The following MEF2D variants were observed in gnomAD, a reference collection of about 807,000 sequenced individuals.
MEF2D encodes myocyte enhancer factor 2D, also known as myocyte-specific enhancer factor 2D.
In MEF2D, 10 loss-of-function variants were observed where a neutral mutation model predicts 59.3. The ratio of observed to expected loss-of-function variants is 0.17; its 90% CI spans 0.10 to 0.29. The LOEUF (loss-of-function observed/expected upper bound fraction) is 0.29, where lower values mean the gene tolerates loss of function less well. Among genes scored for constraint, MEF2D ranks in the 10% least tolerant of loss-of-function variants. The pLI, the probability that MEF2D is intolerant of heterozygous loss-of-function variation, is 1.00. For missense variants in MEF2D, 508 were observed against 699.4 expected (o/e 0.73, Z 3.09); for synonymous variants, 305 against 295.0 (o/e 1.03, Z -0.35).
intron 8 of MEF2D, among the ~76,000 whole-genome samples, chr1:156,476,056 C>T (rs942912984): frequency 6.6e-6 from 1 of 152,124 alleles, no homozygotes; most frequent in African/African-American, 2.4e-5. Context: ...TCCAGCTGAC[C>T]TCCCTCCTAA....
Position 156,466,190 on chromosome 1 carries a change from A to C in MEF2D, c.*1455T>G, listed in dbSNP as rs1288617434. 1 of 152,450 alleles carries C rather than the reference A, an allele frequency of 6.6e-6. No individual in the cohort carries two copies. The highest frequency in any genetic ancestry group is 2.4e-5 in the African/African-American group (1 of 41,444). 9.4% of individuals were successfully genotyped at this position (152,450 alleles called of 1,614,324 possible). A position where few individuals can be genotyped will look rare whatever the true frequency, so the allele number is the denominator to read the frequency against. On this transcript the variant is annotated 3_prime_UTR_variant, in exon 12 of 12. Transcript: ENST00000348159. ...GGACTCAGAGGAGGGGAGGGGAGCA[A>C]GAACAACAGCAGAAGAATCTCGTCT...
chr1:156,490,807 GC>G (rs890084988), intron 1 of MEF2D, among the ~76,000 whole-genome samples: 8 of 152,114 alleles, frequency 5.3e-5, no homozygotes, highest in African/African-American at 1.9e-4. Context: ...CCTGTTCTCT[GC>G]CCAGGAGATG....
Position 156,465,762 on chromosome 1 carries a change from C to A in MEF2D, c.*1883G>T, listed in dbSNP as rs548762981. On this transcript the variant is annotated 3_prime_UTR_variant, in exon 12 of 12. Coordinates refer to ENST00000348159, the MANE Select transcript of MEF2D (RefSeq NM_005920.4). Reference sequence around the variant, plus strand: ...GCCCTCATGAACACACTCAGGTACACGTGTGTACCTGCGTAGAGGCCCCTC... The same window carrying A: ...GCCCTCATGAACACACTCAGGTACAAGTGTGTACCTGCGTAGAGGCCCCTC... 1.1e-4 allele frequency: 16 copies of A among 152,180 alleles called. No homozygotes were observed. Among genetic ancestry groups the A allele is most frequent in the Admixed American group, 1.0e-3 (16 of 15,278 alleles). 9.4% of individuals were successfully genotyped at this position (152,180 alleles called of 1,614,324 possible).
chr1:156,472,614 C>G (rs1314254393), intron 9 of MEF2D, among the ~76,000 whole-genome samples: 1 of 151,404 alleles, frequency 6.6e-6, no homozygotes, highest in Non-Finnish European at 1.5e-5. Flanking sequence ...AGTGGTGCAA[C>G]CTCGGCTCAC....
rs758222787 is a variant in MEF2D at position 156,468,200 on chromosome 1, G to A, written c.1347C>T (p.Arg449=). The change falls in exon 11 of 12, where the codon CGC becomes CGT. Residue 449 remains arginine (R), a synonymous_variant. Coordinates refer to ENST00000348159, the MANE Select transcript of MEF2D (RefSeq NM_005920.4). This position sits in a 1 kb window ranked among gnomAD's most constrained non-coding sequence, Gnocchi z 4.3. ...KSEPVSPSRE[R]SPAPPPPAVF... ...CAGCTGGAGGGGGAGGCGCAGGGCT[G>A]CGCTCACGGCTTGGGGACACCGGTT... 3.7e-6 allele frequency: 6 copies of A among 1,613,492 alleles called. No individual in the cohort carries two copies. The South Asian group carries it at 6.6e-5, about 18-fold the overall frequency.
At chr1:156,472,308 G>GGCCC (rs1300782406) in intron 9 of MEF2D, among the ~76,000 whole-genome samples, 1 of 152,218 alleles carries the variant, frequency 6.6e-6, no homozygotes, top group African/African-American at 2.4e-5. Context: ...TGGGGAGACG[G>GGCCC]GCCCACAGCG....
In MEF2D at chr1:156,465,869, A is replaced by C. The variant is rs1025225054; in HGVS notation, c.*1776T>G. ...AGAGGTGGGCAAAGACGGTCGGCTA[A>C]CACAAAACTGGGCCTTGTCTTAACT... On this transcript the variant is annotated 3_prime_UTR_variant, in exon 12 of 12. Transcript: ENST00000348159. 1 of 152,180 alleles carries C rather than the reference A, an allele frequency of 6.6e-6. No homozygotes were observed. The highest frequency in any genetic ancestry group is 2.4e-5 in the African/African-American group (1 of 41,426). The allele number at this position is 152,180 out of a possible 1,614,324, so 9.4% of individuals were successfully genotyped here.
At chr1:156,491,029 C>G (rs983681486) in intron 1 of MEF2D, among the ~76,000 whole-genome samples, 14 of 152,206 alleles carry the variant, frequency 9.2e-5, no homozygotes, top group Non-Finnish European at 2.1e-4. Context: ...TAGGTAACCA[C>G]CCCGCACCCC....
intron 1 of MEF2D, among the ~76,000 whole-genome samples, chr1:156,485,830 A>G (rs966037241): frequency 1.7e-4 from 25 of 149,940 alleles, no homozygotes; most frequent in African/African-American, 6.2e-4. Flanking sequence ...CCACCATGCC[A>G]AGCTAATTTT....
At chr1:156,474,702 C>G (rs1356516641) in intron 9 of MEF2D, among the ~76,000 whole-genome samples, 3 of 151,728 alleles carry the variant, frequency 2.0e-5, no homozygotes, top group African/African-American at 7.3e-5. Flanking sequence ...CCCAGCTACT[C>G]AGGAGGCTGA....
intron 8 of MEF2D, 55 bp downstream of exon 8, chr1:156,476,439 G>A (rs1173511476): frequency 9.4e-6 from 15 of 1,589,576 alleles, no homozygotes; most frequent in South Asian, 4.5e-5. Context: ...CTGGGGGACC[G>A]CAGAGCAATA....
rs147542346 is a variant in MEF2D, at chr1:156,474,700, C to A, written c.1006+408G>T. Among the ~76,000 whole-genome samples, 1,468 of 152,024 alleles carry A rather than the reference C, an allele frequency of 9.7e-3. 19 individuals are homozygous for A. The highest frequency in any genetic ancestry group is 0.033 in the African/African-American group (1,380 of 41,454). On this transcript the variant is annotated intron_variant, in intron 9 of 11. Transcript: ENST00000348159. ...AGGCATGTGCCTGTAGTCCCAGCTA[C>A]TCAGGAGGCTGAGGCAGGAGGATCA...
At chr1:156,478,083 G>A (rs187576477) in intron 6 of MEF2D, among the ~76,000 whole-genome samples, 278 of 152,342 alleles carry the variant, frequency 1.8e-3, no homozygotes, top group African/African-American at 6.2e-3. Context: ...GAGGCCAAGT[G>A]AGGGCTCTCT....
At chr1:156,473,637 C>A (rs1202963486) in intron 9 of MEF2D, among the ~76,000 whole-genome samples, 1 of 152,206 alleles carries the variant, frequency 6.6e-6, no homozygotes, top group Non-Finnish European at 1.5e-5. Flanking sequence ...GAGAGTATCA[C>A]AGACTGTTCC....
rs1671481696 is a variant in MEF2D at position 156,475,114 on chromosome 1, T to C, written c.1000A>G (p.Asn334Asp). ...LPFSSMPTAY[N>D]TDYQLTSAEL... The stretch of plus-strand genomic sequence containing the variant: ...ATGTCACATGAACACTCACCTGTGT[T>C]GTAGGCAGTGGGCATGGAAGAGAAG... The change falls in exon 9 of 12, where the codon AAC becomes GAC. Residue 334 changes from asparagine to aspartate, a missense_variant. Transcript: ENST00000348159. 6.2e-7 allele frequency: 1 copy of C among 1,614,206 alleles called. No individual in the cohort carries two copies. The highest frequency in any genetic ancestry group is 8.5e-7 in the Non-Finnish European group (1 of 1,180,018).
chr1:156,493,031 G>A (rs1672906341), intron 1 of MEF2D, among the ~76,000 whole-genome samples: 1 of 152,170 alleles, frequency 6.6e-6, no homozygotes, highest in Non-Finnish European at 1.5e-5. Context: ...AGTCTCAGAA[G>A]GGCATTCTCT....
chr1:156,489,095 G>A (rs548383246), intron 1 of MEF2D, among the ~76,000 whole-genome samples: 1 of 152,308 alleles, frequency 6.6e-6, no homozygotes, highest in East Asian at 1.9e-4. Context: ...ACAGAGCAGT[G>A]GGCCTCAACC....
At chr1:156,484,503 G>C (rs1255226318) in intron 1 of MEF2D, among the ~76,000 whole-genome samples, 1 of 152,206 alleles carries the variant, frequency 6.6e-6, no homozygotes, top group African/African-American at 2.4e-5. Context: ...CTGCCCTAGA[G>C]GTATGGACCA....
intron 1 of MEF2D, among the ~76,000 whole-genome samples, chr1:156,496,429 A>C (rs1673134627): frequency 6.6e-6 from 1 of 152,086 alleles, no homozygotes; most frequent in East Asian, 1.9e-4. Flanking sequence ...TGTGCCAGGA[A>C]CACAGAGAGG....
Sources: gnomAD v4.1 joint callset for allele counts (sites outside exome capture counted in the v4.1 genomes callset) on GRCh38, gnomAD v4.1.1 for gene constraint, Gnocchi (gnomAD v3.1) non-coding constraint, MANE v1.5 for transcripts, NCBI Gene and HGNC (gene_info 2026-07-23, HGNC 2026-07-21) for gene names.